Variants in TRMT2B observed in about 807,000 individuals in gnomAD.
TRMT2B encodes tRNA methyltransferase 2B, also known as tRNA (uracil-5-)-methyltransferase homolog B.
In TRMT2B, 34 loss-of-function variants were observed where a neutral mutation model predicts 39.7. The ratio of observed to expected loss-of-function variants is 0.86; its 90% CI spans 0.65 to 1.14. The LOEUF (loss-of-function observed/expected upper bound fraction) is 1.14, where lower values mean the gene tolerates loss of function less well. Among genes scored for constraint, TRMT2B ranks in the 50% most tolerant of loss-of-function variants. TRMT2B has a pLI of 0.00. For synonymous variants in TRMT2B, 132 were observed against 137.3 expected (o/e 0.96, Z 0.27); for missense variants, 318 against 377.2 (o/e 0.84, Z 1.30).
chrX:101,005,509 C>T (rs903780204), downstream of TRMT2B, among the ~76,000 whole-genome samples: 1 of 110,449 alleles, frequency 9.1e-6, no homozygotes, highest in African/African-American at 3.3e-5. Flanking sequence ...GCAGTGCTAC[C>T]CTGCCAGTCC....
Position 101,009,826 on chromosome X carries a change from C to T in TRMT2B, c.*755G>A, listed in dbSNP as rs983956248. ...ATGGCTTACCCTGCTTTTAAAAAACCTCGACTGTTTCTGGTTTTAATCCTT... is the reference window on the plus strand; with the variant it reads ...ATGGCTTACCCTGCTTTTAAAAAACTTCGACTGTTTCTGGTTTTAATCCTT... On this transcript the variant is annotated 3_prime_UTR_variant, in exon 14 of 14. Transcript: ENST00000372936. 1.8e-5 allele frequency: 2 copies of T among 108,162 alleles called. No individual in the cohort carries two copies. The highest frequency in any genetic ancestry group is 6.7e-5 in the African/African-American group (2 of 29,701). 8.9% of individuals were successfully genotyped at this position (108,162 alleles called of 1,213,427 possible).
rs1244289285 is a variant in TRMT2B at position 101,051,233 on chromosome X, CTA to C, written c.-24+16_-24+17del. ...CTCAGAGAGGTTCAAATCAAAGAGA[CTA>C]TGTGGTAGGTCTCACCTGCGCAGGG... On this transcript the variant is annotated intron_variant, in intron 2 of 13. Coordinates refer to ENST00000372936, the MANE Select transcript of TRMT2B (RefSeq NM_024917.6). 2.7e-6 allele frequency: 2 copies of C among 744,487 alleles called. No homozygotes were observed. The highest frequency in any genetic ancestry group is 3.2e-6 in the Non-Finnish European group (2 of 630,767). The allele number at this position is 744,487 out of a possible 1,213,427, so 61.4% of individuals were successfully genotyped here. A position where few individuals can be genotyped will look rare whatever the true frequency, so the allele number is the denominator to read the frequency against.
chrX:101,000,283 G>T, the TRMT2B span, among the ~76,000 whole-genome samples: 7 of 109,770 alleles, frequency 6.4e-5, no homozygotes, highest in Non-Finnish European at 1.3e-4. Flanking sequence ...ACCGTGCCCA[G>T]CTAATTTTTT....
intron 7 of TRMT2B, among the ~76,000 whole-genome samples, chrX:101,026,718 G>A (rs1477787012): frequency 9.0e-6 from 1 of 110,940 alleles, no homozygotes; most frequent in Non-Finnish European, 1.9e-5. Flanking sequence ...TAAAATAACA[G>A]AATATTCCAC....
intron 7 of TRMT2B, among the ~76,000 whole-genome samples, chrX:101,025,578 C>T (rs1029756071): frequency 1.8e-5 from 2 of 112,072 alleles, no homozygotes; most frequent in African/African-American, 6.5e-5. Context: ...TAAGGTTGTA[C>T]TTGATCACTT....
the TRMT2B span, chrX:100,988,205 A>G: frequency 8.3e-7 from 1 of 1,207,581 alleles, no homozygotes; most frequent in Non-Finnish European, 1.1e-6. Context: ...TCTCCACCAG[A>G]ACAGGAATGT....
the TRMT2B span, among the ~76,000 whole-genome samples, chrX:101,003,634 G>A: frequency 6.3e-5 from 7 of 111,588 alleles, no homozygotes; most frequent in Non-Finnish European, 1.3e-4. Context: ...ACAGGCATGA[G>A]CCACTGCACC....
intron 13 of TRMT2B, among the ~76,000 whole-genome samples, chrX:101,017,884 A>T (rs999008174): frequency 1.8e-5 from 2 of 111,990 alleles, no homozygotes; most frequent in Non-Finnish European, 3.8e-5. Flanking sequence ...CCACCTTTTT[A>T]AAAAAATGTA....
chrX:101,025,418 A>G (rs889589930), intron 7 of TRMT2B, among the ~76,000 whole-genome samples: 2 of 111,595 alleles, frequency 1.8e-5, no homozygotes, highest in African/African-American at 3.3e-5. Flanking sequence ...AATTGCTGCC[A>G]TAACAGGAAA....
chrX:101,041,217 A>C, intron 4 of TRMT2B, 100 bp downstream of exon 4: 3 of 790,391 alleles, frequency 3.8e-6, no homozygotes, highest in Non-Finnish European at 5.3e-6. Flanking sequence ...AAAACTTAAA[A>C]TTAAAAATAA....
At chrX:101,001,223 C>T in the TRMT2B span, among the ~76,000 whole-genome samples, 1 of 110,662 alleles carries the variant, frequency 9.0e-6, no homozygotes, top group Non-Finnish European at 1.9e-5. Flanking sequence ...ATGTCTGGGG[C>T]CCAGGCATCA....
the TRMT2B span, among the ~76,000 whole-genome samples, chrX:100,997,515 T>G: frequency 8.9e-6 from 1 of 111,920 alleles, no homozygotes; most frequent in Non-Finnish European, 1.9e-5. Context: ...ATTTATAGAT[T>G]GGTTAGTTTA....
At chrX:101,018,655 G>C (rs137946977) in intron 13 of TRMT2B, among the ~76,000 whole-genome samples, 1 of 109,437 alleles carries the variant, frequency 9.1e-6, no homozygotes, top group Admixed American at 9.9e-5. Context: ...GTTTCACTGT[G>C]TTCCCCAGGG....
Position 101,010,487 on chromosome X carries a change from T to C in TRMT2B, c.*94A>G. The C allele has an allele frequency of 2.9e-6, 3 of 1,027,981 alleles. No individual in the cohort carries two copies. Among genetic ancestry groups the C allele is most frequent in the Non-Finnish European group, 4.0e-6 (3 of 746,076 alleles). The allele number at this position is 1,027,981 out of a possible 1,213,427, so 84.7% of individuals were successfully genotyped here. A position where few individuals can be genotyped will look rare whatever the true frequency, so the allele number is the denominator to read the frequency against. On this transcript the variant is annotated 3_prime_UTR_variant, in exon 14 of 14. Coordinates refer to ENST00000372936, the MANE Select transcript of TRMT2B (RefSeq NM_024917.6). The stretch of plus-strand genomic sequence containing the variant: ...AACCAAAGATTGGTTTCCACTGTAA[T>C]GCTCCCAGGGTCTGCAATGTAGCAA...
rs776981109 is a variant in TRMT2B, at chrX:101,037,972, G to A, written c.383C>T (p.Thr128Met). ...GAGCCTCTCAGATTTGGGTACAGCC[G>A]TTGTCACACTGACTCCATTGAGCAT... ...IQMLNGVSVT[T>M]AVPKSERLSC... Residue 128 changes from threonine (T) to methionine (M), a missense_variant, in exon 5 of 14, where the codon ACG becomes ATG. Coordinates refer to ENST00000372936, the MANE Select transcript of TRMT2B (RefSeq NM_024917.6). 69 of 1,206,727 alleles carry A rather than the reference G, an allele frequency of 5.7e-5. No homozygotes were observed. Among genetic ancestry groups the A allele is most frequent in the Non-Finnish European group, 6.7e-5 (60 of 893,092 alleles).
intron 2 of TRMT2B, among the ~76,000 whole-genome samples, chrX:101,048,907 A>G (rs986858639): frequency 1.8e-5 from 2 of 112,197 alleles, no homozygotes; most frequent in Non-Finnish European, 3.8e-5. Flanking sequence ...AATATATGAC[A>G]TGTTCAGGAC....
intron 7 of TRMT2B, among the ~76,000 whole-genome samples, chrX:101,031,284 A>G (rs2087442069): frequency 8.9e-6 from 1 of 111,816 alleles, no homozygotes; most frequent in Non-Finnish European, 1.9e-5. Flanking sequence ...CTAAGGCCTC[A>G]CTCTTAAATA....
At chrX:101,045,181 G>A (rs190704728) in intron 2 of TRMT2B, among the ~76,000 whole-genome samples, 20 of 110,401 alleles carry the variant, frequency 1.8e-4, no homozygotes, top group African/African-American at 3.6e-4. Context: ...GGGGCTGGGC[G>A]CAGTGGCTCA....
At chrX:101,027,976 T>A (rs768194089) in intron 7 of TRMT2B, among the ~76,000 whole-genome samples, 3 of 110,160 alleles carry the variant, frequency 2.7e-5, no homozygotes, top group Admixed American at 9.9e-5. Context: ...AATTTGCACC[T>A]GTTTTTATGT....
Sources: allele counts gnomAD v4.1 joint callset (sites outside exome capture counted in the v4.1 genomes callset), GRCh38; gene constraint gnomAD v4.1.1; transcripts MANE v1.5; gene names NCBI Gene and HGNC (gene_info 2026-07-23, HGNC 2026-07-21).